The following GRM8 variants were observed in gnomAD, a reference collection of about 807,000 sequenced individuals.
GRM8 encodes glutamate metabotropic receptor 8.
In GRM8, 47 loss-of-function variants were observed where a neutral mutation model predicts 87.2. The observed-to-expected ratio is 0.54, with a 90% CI of 0.43 to 0.69. GRM8 has a LOEUF of 0.69. GRM8 is among the 30% of genes least tolerant of loss of function. The pLI, the probability that GRM8 is intolerant of heterozygous loss-of-function variation, is 0.00. For missense variants in GRM8, 1,019 were observed against 1,139.2 expected, an observed-to-expected ratio of 0.89 and a Z score of 1.52; for synonymous variants, 396 against 404.5, an observed-to-expected ratio of 0.98 and a Z score of 0.25.
intron 3 of GRM8, among the ~76,000 whole-genome samples, chr7:126,915,568 C>G (rs1412398891): frequency 1.3e-5 from 2 of 152,168 alleles, no homozygotes; most frequent in South Asian, 2.1e-4. Context: ...ATGCTCACCA[C>G]AATAGAAATG....
At chr7:126,924,872 G>A (rs1804926522) in intron 3 of GRM8, among the ~76,000 whole-genome samples, 1 of 152,110 alleles carries the variant, frequency 6.6e-6, no homozygotes, top group Non-Finnish European at 1.5e-5. Flanking sequence ...GATAAATGCT[G>A]CTTCACAATA....
intron 2 of GRM8, among the ~76,000 whole-genome samples, chr7:127,215,474 C>T (rs1171741868): frequency 6.6e-6 from 1 of 152,048 alleles, no homozygotes; most frequent in Non-Finnish European, 1.5e-5. Context: ...GTCCTCATCT[C>T]CCATTCCACA....
At chr7:126,619,495 C>A (rs1411885829) in intron 7 of GRM8, among the ~76,000 whole-genome samples, 2 of 151,304 alleles carry the variant, frequency 1.3e-5, no homozygotes, top group South Asian at 2.1e-4. Context: ...CACATGTACC[C>A]TAGAACTTAA....
rs913929348 is a variant in GRM8, at chr7:127,045,713, C to T, written c.727+60783G>A. On this transcript the variant is annotated intron_variant, in intron 3 of 10. Coordinates refer to ENST00000339582, the MANE Select transcript of GRM8 (RefSeq NM_000845.3). ...ATACCCAGATCCCACACGTGCATAA[C>T]TTCTCAAGCTACCTCTTCTGTTCTC... is the stretch of plus-strand genomic sequence containing the variant. Among the ~76,000 whole-genome samples, 4 of 152,158 alleles carry T rather than the reference C, an allele frequency of 2.6e-5. No homozygotes were observed. In the South Asian group the frequency reaches 8.3e-4, roughly 32 times the overall value.
chr7:126,816,752 G>C (rs1198742420), intron 6 of GRM8, among the ~76,000 whole-genome samples: 4 of 151,650 alleles, frequency 2.6e-5, no homozygotes, highest in African/African-American at 9.7e-5. Flanking sequence ...GTGTGTGTGT[G>C]TGTGTGTGTG....
At chr7:127,056,287 G>A (rs1819980012) in intron 3 of GRM8, among the ~76,000 whole-genome samples, 1 of 152,156 alleles carries the variant, frequency 6.6e-6, no homozygotes, top group Non-Finnish European at 1.5e-5. Context: ...CCTAGAAAGA[G>A]ATAAAAGTAA....
intron 7 of GRM8, among the ~76,000 whole-genome samples, chr7:126,749,147 G>T (rs962746611): frequency 6.6e-6 from 1 of 151,962 alleles, no homozygotes; most frequent in Admixed American, 6.6e-5. Flanking sequence ...ACATCCTGGT[G>T]CCTGCCTGTA....
chr7:126,524,516 C>A (rs1266060281), intron 9 of GRM8, among the ~76,000 whole-genome samples: 1 of 152,078 alleles, frequency 6.6e-6, no homozygotes, highest in Non-Finnish European at 1.5e-5. Context: ...TTGGCCCTTT[C>A]CATTTTTTCA....
intron 3 of GRM8, among the ~76,000 whole-genome samples, chr7:126,941,052 T>C (rs1277027852): frequency 1.3e-5 from 2 of 152,202 alleles, no homozygotes; most frequent in African/African-American, 4.8e-5. Context: ...TTATACAGGA[T>C]GGTGATCAAT....
intron 9 of GRM8, among the ~76,000 whole-genome samples, chr7:126,473,402 ATGGGGCCTC>A (rs200736691): frequency 0.028 from 4,217 of 152,280 alleles, 176 homozygotes; most frequent in African/African-American, 0.095. Context: ...TCAAACTTGC[ATGGGGCCTC>A]TAGCCCCTTC....
At chr7:126,659,584 A>G (rs544146142) in intron 7 of GRM8, among the ~76,000 whole-genome samples, 1 of 152,348 alleles carries the variant, frequency 6.6e-6, no homozygotes, top group East Asian at 1.9e-4. Flanking sequence ...ACTAGTATTT[A>G]ATTCATATGC....
At position 126,786,412 on chromosome 7, in the gene GRM8, T is replaced by C. The variant is rs558679980; in HGVS notation, c.1157-16347A>G. Among the ~76,000 whole-genome samples, 4 of 152,328 alleles carry C rather than the reference T, an allele frequency of 2.6e-5. No homozygotes were observed. In the South Asian group the frequency reaches 8.3e-4, roughly 32 times the overall value. ...CTGTTATTTGTTGTTTCTAAATTCATCTTGCTTTCCTATCTAATTTTAAGA... is the reference window on the plus strand; with the variant it reads ...CTGTTATTTGTTGTTTCTAAATTCACCTTGCTTTCCTATCTAATTTTAAGA... On this transcript the variant is annotated intron_variant, in intron 6 of 10. Transcript: ENST00000339582.
At chr7:126,522,744 T>C (rs940330740) in intron 9 of GRM8, among the ~76,000 whole-genome samples, 9 of 152,164 alleles carry the variant, frequency 5.9e-5, no homozygotes, top group Non-Finnish European at 1.2e-4. Flanking sequence ...TTCCCTCTTT[T>C]AGGCCTTTTT....
intron 3 of GRM8, among the ~76,000 whole-genome samples, chr7:126,945,483 C>A (rs773050935): frequency 2.0e-5 from 3 of 152,108 alleles, no homozygotes; most frequent in Non-Finnish European, 4.4e-5. Flanking sequence ...AATTCCACAC[C>A]TGACATAAGA....
At chr7:126,834,409 C>T (rs987599725) in intron 6 of GRM8, among the ~76,000 whole-genome samples, 2 of 152,162 alleles carry the variant, frequency 1.3e-5, no homozygotes, top group Non-Finnish European at 2.9e-5. Flanking sequence ...AAGGAAAAGT[C>T]TTTTGAAATA....
At chr7:127,233,033 T>C (rs1047513612) in intron 2 of GRM8, among the ~76,000 whole-genome samples, 1 of 152,078 alleles carries the variant, frequency 6.6e-6, no homozygotes, top group Non-Finnish European at 1.5e-5. Context: ...GGTTTCACCA[T>C]GTTTGTCAGG....
chr7:126,903,645 A>AT (rs1563300306), intron 5 of GRM8, among the ~76,000 whole-genome samples: 2 of 99,004 alleles, frequency 2.0e-5, no homozygotes, highest in African/African-American at 7.3e-5. Flanking sequence ...GTATATATAT[A>AT]GGTATATGTG....
At chr7:127,177,434 G>C (rs1794175032) in intron 2 of GRM8, among the ~76,000 whole-genome samples, 1 of 152,204 alleles carries the variant, frequency 6.6e-6, no homozygotes, top group Non-Finnish European at 1.5e-5. Context: ...AGAAGACAAA[G>C]GGCATATAAT....
intron 3 of GRM8, among the ~76,000 whole-genome samples, chr7:127,046,232 C>A (rs1001715124): frequency 6.6e-6 from 1 of 151,930 alleles, no homozygotes. Flanking sequence ...ATTAGCCAGG[C>A]GTGGTGGTGG....
Sources: allele counts gnomAD v4.1 joint callset (sites outside exome capture counted in the v4.1 genomes callset), GRCh38; gene constraint gnomAD v4.1.1; transcripts MANE v1.5; gene names NCBI Gene and HGNC (gene_info 2026-07-23, HGNC 2026-07-21).